The following ANKRD11 variants were observed in gnomAD, a reference collection of about 807,000 sequenced individuals.
ANKRD11 encodes ankyrin repeat domain 11.
ANKRD11 carries 17 observed loss-of-function variants against 195.7 expected under a neutral mutation model. That is an observed-to-expected ratio of 0.09 (90% confidence interval 0.06 to 0.13). The LOEUF is 0.13. ANKRD11 is among the 10% of genes least tolerant of loss of function. ANKRD11 has a pLI of 1.00. For synonymous variants in ANKRD11, 1,953 were observed against 1,528.1 expected, an observed-to-expected ratio of 1.28 and a Z score of -6.49; for missense variants, 3,735 against 3,566.1, an observed-to-expected ratio of 1.05 and a Z score of -1.21.
intron 1 of ANKRD11, among the ~76,000 whole-genome samples, chr16:89,471,692 GGA>G (rs1425848172): frequency 1.4e-5 from 2 of 146,322 alleles, no homozygotes; most frequent in Non-Finnish European, 3.0e-5. Flanking sequence ...GGATGAGGAA[GGA>G]GAGTTGCTTG....
At position 89,305,476 on chromosome 16, in the gene ANKRD11, G is replaced by A. The variant is rs139026996; in HGVS notation, c.88-132C>T. On this transcript the variant is annotated intron_variant, in intron 3 of 12. Transcript: ENST00000301030. ...GAACACCCTCCCTGCACCCCAGGGC[G>A]TGGCTGTGTGAGGCTGGTCACCGAC... is the stretch of plus-strand genomic sequence containing the variant. 5.8e-3 allele frequency: 7,640 copies of A among 1,311,088 alleles called. 36 individuals are homozygous for A. The highest frequency in any genetic ancestry group is 7.3e-3 in the Non-Finnish European group (6,884 of 941,452). 81.2% of individuals were successfully genotyped at this position (1,311,088 alleles called of 1,614,324 possible). A position where few individuals can be genotyped will look rare whatever the true frequency, so the allele number is the denominator to read the frequency against.
intron 2 of ANKRD11, among the ~76,000 whole-genome samples, chr16:89,338,076 T>G (rs554749973): frequency 6.6e-6 from 1 of 152,286 alleles, no homozygotes; most frequent in African/African-American, 2.4e-5. Flanking sequence ...GCTCTGCCAC[T>G]CAGGAGCCCC....
intron 1 of ANKRD11, chr16:89,458,769 G>A (rs1275104133): frequency 6.6e-6 from 1 of 152,178 alleles, no homozygotes; most frequent in Non-Finnish European, 1.5e-5. Context: ...TCCCAAAGAG[G>A]GAGCCAGCCT....
At chr16:89,381,354 A>AGGG (rs149983751) in intron 2 of ANKRD11, among the ~76,000 whole-genome samples, 48,480 of 122,896 alleles carry the variant, frequency 0.39, 10,167 homozygotes, top group Middle Eastern at 0.56. Flanking sequence ...AAAAAAAAAA[A>AGGG]GGGGTGAGAA....
chr16:89,287,751 C>G (rs1206373798), intron 7 of ANKRD11: 3 of 173,096 alleles, frequency 1.7e-5, no homozygotes, highest in African/African-American at 7.1e-5. Flanking sequence ...CACCCCCCAC[C>G]CCACCGGAAC....
chr16:89,325,449 C>G (rs79960748), intron 2 of ANKRD11, among the ~76,000 whole-genome samples: 1 of 139,532 alleles, frequency 7.2e-6, no homozygotes, highest in African/African-American at 2.7e-5. Context: ...TCTCCCCTCT[C>G]CTCTCTCTCT....
rs1471476630 is a variant in ANKRD11, at chr16:89,396,549, G to C, written c.-60+21735C>G. 2.7e-5 allele frequency among the ~76,000 whole-genome samples: 4 copies of C among 150,496 alleles called. No homozygotes were observed. In the Middle Eastern group the frequency reaches 0.01, roughly 384 times the overall value. On this transcript the variant is annotated intron_variant, in intron 2 of 12. Coordinates refer to ENST00000301030, the MANE Select transcript of ANKRD11 (RefSeq NM_013275.6). ...CATTTTCCCACTAGATTTTTTTTTT[G>C]TATACTTCAACTAGAACAACATATT...
chr16:89,282,588 A>G lies in ANKRD11; in HGVS notation c.3954T>C (p.Thr1318=), dbSNP rs371079786. 6.2e-7 allele frequency: 1 copy of G among 1,614,142 alleles called. No homozygotes were observed. ...FTDRGQEPGL[T]AFLEVSFTEP... is the part of the protein sequence containing the mutation. The stretch of plus-strand genomic sequence containing the variant: ...CCGTGAAAGAGACCTCCAGGAAGGC[A>G]GTCAGCCCCGGCTCCTGCCCTCGGT... The change falls in exon 9 of 13, where the codon ACT becomes ACC. Residue 1318 remains threonine, a synonymous_variant. Transcript: ENST00000301030.
chr16:89,312,860 C>T (rs1211332546), intron 3 of ANKRD11, among the ~76,000 whole-genome samples: 1 of 152,212 alleles, frequency 6.6e-6, no homozygotes, highest in Non-Finnish European at 1.5e-5. Flanking sequence ...TAAGGTCACT[C>T]TGGAATACTT....
chr16:89,402,391 A>G (rs2152169157), intron 2 of ANKRD11, among the ~76,000 whole-genome samples: 1 of 152,272 alleles, frequency 6.6e-6, no homozygotes, highest in African/African-American at 2.4e-5. Context: ...ATCGGTAGGC[A>G]CATCAATTTA....
intron 2 of ANKRD11, among the ~76,000 whole-genome samples, chr16:89,337,075 A>C (rs571544995): frequency 6.7e-6 from 1 of 149,852 alleles, no homozygotes; most frequent in African/African-American, 2.5e-5. Context: ...AGTCCCAGCT[A>C]TTTGGGAGGC....
At chr16:89,430,670 C>T (rs1226833689) in intron 1 of ANKRD11, among the ~76,000 whole-genome samples, 1 of 152,242 alleles carries the variant, frequency 6.6e-6, no homozygotes, top group East Asian at 1.9e-4. Context: ...GCAGGCATTC[C>T]ACACTGCAGG....
chr16:89,473,818 G>A (rs1023291688), intron 1 of ANKRD11, among the ~76,000 whole-genome samples: 2 of 152,296 alleles, frequency 1.3e-5, no homozygotes, highest in African/African-American at 2.4e-5. Context: ...AGTGCAAGGC[G>A]GGTGGGACCT....
intron 1 of ANKRD11, among the ~76,000 whole-genome samples, chr16:89,476,232 G>A (rs1447340641): frequency 6.6e-6 from 1 of 152,030 alleles, no homozygotes; most frequent in African/African-American, 2.4e-5. Flanking sequence ...AAATTCAAAT[G>A]AACCTATCTT....
chr16:89,351,321 T>TG (rs888565986), intron 2 of ANKRD11, among the ~76,000 whole-genome samples: 6 of 152,122 alleles, frequency 3.9e-5, no homozygotes, highest in African/African-American at 1.2e-4. Context: ...CTGAAGGGGA[T>TG]GGCATCCATG....
At chr16:89,350,302 C>T (rs148189308) in intron 2 of ANKRD11, among the ~76,000 whole-genome samples, 10 of 152,320 alleles carry the variant, frequency 6.6e-5, no homozygotes, top group Non-Finnish European at 1.5e-4. Flanking sequence ...ATTCATGTAA[C>T]ATGTGACCGA....
intron 6 of ANKRD11, chr16:89,288,927 G>T: frequency 1.7e-6 from 1 of 587,002 alleles, no homozygotes; most frequent in South Asian, 2.0e-5. Flanking sequence ...GCTAATCTGC[G>T]GCAATCACCC....
chr16:89,284,634 G>T lies in ANKRD11; in HGVS notation c.1908C>A (p.His636Gln). The T allele has an allele frequency of 3.7e-6, 6 of 1,614,056 alleles. No individual in the cohort carries two copies. The highest frequency in any genetic ancestry group is 5.1e-6 in the Non-Finnish European group (6 of 1,180,004). The part of the protein sequence containing the change: ...GKVVKKHKTK[H>Q]KHKNKEKGQC... The stretch of plus-strand genomic sequence containing the variant: ...GTCCCTTCTCCTTGTTTTTGTGTTT[G>T]TGTTTTGTTTTATGTTTTTTGACAA... Residue 636 changes from histidine (H) to glutamine (Q), a missense_variant, in exon 9 of 13, where the codon CAC becomes CAA. By Grantham distance (24) the His-to-Gln change is conservative. Transcript: ENST00000301030.
At chr16:89,314,479 C>T (rs1193419483) in intron 3 of ANKRD11, among the ~76,000 whole-genome samples, 6 of 152,236 alleles carry the variant, frequency 3.9e-5, no homozygotes, top group Middle Eastern at 3.4e-3. Context: ...CTGGGGCTGC[C>T]GGCAAATCAG....
Sources: gnomAD v4.1 joint callset for allele counts (sites outside exome capture counted in the v4.1 genomes callset) on GRCh38, gnomAD v4.1.1 for gene constraint, MANE v1.5 for transcripts, NCBI Gene and HGNC (gene_info 2026-07-23, HGNC 2026-07-21) for gene names.